The following RICTOR variants were observed in gnomAD, a reference collection of about 807,000 sequenced individuals.
RICTOR encodes the protein rapamycin-insensitive companion of mTOR.
Under a neutral mutation model 214.9 loss-of-function variants are expected in RICTOR, and 49 were observed. That is an observed-to-expected ratio of 0.23 (90% CI 0.18 to 0.29). RICTOR has a LOEUF of 0.29. RICTOR is among the 10% of genes least tolerant of loss of function. RICTOR has a pLI of 1.00. For synonymous variants in RICTOR, 717 were observed against 711.3 expected (o/e 1.01, Z -0.13); for missense variants, 1,625 against 2,047.0 (o/e 0.79, Z 3.98).
chr5:39,046,999 C>A (rs1757542447), intron 2 of RICTOR, among the ~76,000 whole-genome samples: 1 of 152,140 alleles, frequency 6.6e-6, no homozygotes, highest in Non-Finnish European at 1.5e-5. Context: ...ACACCTCAGT[C>A]TGTATGTTTT....
At chr5:38,997,084 AT>A (rs1561512118) in intron 5 of RICTOR, among the ~76,000 whole-genome samples, 1 of 152,108 alleles carries the variant, frequency 6.6e-6, no homozygotes, top group Non-Finnish European at 1.5e-5. Context: ...TAAAAGACCA[AT>A]TTTTTCTTTT....
chr5:38,965,296 A>C (rs1463756722), intron 15 of RICTOR, among the ~76,000 whole-genome samples: 1 of 152,014 alleles, frequency 6.6e-6, no homozygotes, highest in Non-Finnish European at 1.5e-5. Context: ...TTGACTTCTT[A>C]AGTTTTAAAA....
intron 2 of RICTOR, among the ~76,000 whole-genome samples, chr5:39,023,029 A>T (rs1755546952): frequency 6.6e-6 from 1 of 152,214 alleles, no homozygotes; most frequent in Non-Finnish European, 1.5e-5. Flanking sequence ...ACCTAGGCAG[A>T]TTATAATCAA....
chr5:38,990,639 C>CAGATATATATATCAG lies in RICTOR; in HGVS notation c.583+309_583+310insCTGATATATATATCT, dbSNP rs1490795665. Among the ~76,000 whole-genome samples, 7 of 82,298 alleles carry CAGATATATATATCAG rather than the reference C, an allele frequency of 8.5e-5. 1 individual carries two copies. The highest frequency in any genetic ancestry group is 2.3e-4 in the African/African-American group (5 of 21,620). The allele number at this position is 82,298 out of a possible 152,430, so 54.0% of individuals were successfully genotyped here. A position where few individuals can be genotyped will look rare whatever the true frequency, so the allele number is the denominator to read the frequency against. On this transcript the variant is annotated intron_variant, in intron 7 of 37. Coordinates refer to ENST00000357387, the MANE Select transcript of RICTOR (RefSeq NM_152756.5). Reference sequence around the variant, plus strand: ...TACGATATATGATATATATATCTGACATATATCAGATATATGATATATATC... The same window carrying CAGATATATATATCAG: ...TACGATATATGATATATATATCTGACAGATATATATATCAGATATATCAGATATATGATATATATC...
In RICTOR at chr5:38,966,661, A is replaced by C. The variant is rs1201782749; in HGVS notation, c.1279T>G (p.Leu427Val). The change falls in exon 15 of 38, where the codon TTA becomes GTA. Residue 427 changes from leucine (L) to valine (V), a missense_variant. By Grantham distance (32) the Leu-to-Val change is conservative (BLOSUM62 1). Coordinates refer to ENST00000357387, the MANE Select transcript of RICTOR (RefSeq NM_152756.5). ...CTTACCATATGTAAAAGCTCTCCTA[A>C]AAGGATGGTAGCTCTAACTGAGATA... Reference protein sequence around the residue: ...DHISVRATILLGELLHMANTI... With the variant: ...DHISVRATILVGELLHMANTI... 7 of 1,575,998 alleles carry C rather than the reference A, an allele frequency of 4.4e-6. No homozygotes were observed. The highest frequency in any genetic ancestry group is 5.2e-6 in the Non-Finnish European group (6 of 1,148,268).
At chr5:39,003,680 A>G (rs1171135633) in intron 3 of RICTOR, 58 bp from the exon 4 acceptor site, 20 of 979,710 alleles carry the variant, frequency 2.0e-5, no homozygotes, top group Non-Finnish European at 3.2e-5. Context: ...ACATATTTAT[A>G]TACATTATAT....
chr5:38,942,729 T>C, intron 37 of RICTOR, 104 bp downstream of exon 37: 1 of 907,676 alleles, frequency 1.1e-6, no homozygotes, highest in Non-Finnish European at 1.7e-6. Context: ...GTGCTGGGAT[T>C]GTAGGCATGA....
At chr5:38,954,229 G>C (rs1749041034) in intron 27 of RICTOR, among the ~76,000 whole-genome samples, 1 of 151,784 alleles carries the variant, frequency 6.6e-6, no homozygotes, top group Non-Finnish European at 1.5e-5. Context: ...TACATTTATT[G>C]GAAACAGTTG....
chr5:38,990,745 G>GATATATATCATATATATC (rs1491116178), intron 7 of RICTOR, among the ~76,000 whole-genome samples: 435 of 25,198 alleles, frequency 0.017, 37 homozygotes, highest in East Asian at 0.035. Flanking sequence ...TGATATATAT[G>GATATATATCATATATATC]AGATATATGA....
chr5:38,947,519 C>T (rs1748343508), intron 31 of RICTOR, 78 bp from the exon 32 acceptor site: 1 of 1,042,950 alleles, frequency 9.6e-7, no homozygotes, highest in East Asian at 2.5e-5. Flanking sequence ...AACATATATT[C>T]CTACCTTCAT....
At chr5:38,942,432 C>CATGATATAAATTAG in intron 37 of RICTOR, 54 bp from the exon 38 acceptor site, 2 of 927,832 alleles carry the variant, frequency 2.2e-6, no homozygotes, top group Non-Finnish European at 3.2e-6. Context: ...GATGATATAA[C>CATGATATAAATTAG]ATATTTATAT....
chr5:39,023,154 T>C (rs919143083), intron 2 of RICTOR, among the ~76,000 whole-genome samples: 2 of 150,688 alleles, frequency 1.3e-5, no homozygotes, highest in African/African-American at 4.9e-5. Flanking sequence ...GGATTTCTTA[T>C]CCAAAACAGG....
intron 19 of RICTOR, among the ~76,000 whole-genome samples, chr5:38,961,768 C>T (rs942005771): frequency 5.9e-5 from 9 of 152,090 alleles, no homozygotes; most frequent in African/African-American, 2.2e-4. Flanking sequence ...ATTTCTCAAA[C>T]ATACTAAGGA....
chr5:39,074,305 G>A, intron 1 of RICTOR, 24 bp downstream of exon 1: 1 of 1,556,760 alleles, frequency 6.4e-7, no homozygotes, highest in Non-Finnish European at 8.7e-7. Flanking sequence ...GGGCGGTGGG[G>A]AGTGAGGGTT....
intron 20 of RICTOR, 55 bp from the exon 21 acceptor site, chr5:38,960,033 G>C (rs1310542503): frequency 8.1e-7 from 1 of 1,228,076 alleles, no homozygotes; most frequent in Non-Finnish European, 1.2e-6. Flanking sequence ...TCTGTAATTA[G>C]AAAATCAACT....
At chr5:38,948,285 T>G (rs1183272938) in intron 31 of RICTOR, among the ~76,000 whole-genome samples, 2 of 152,110 alleles carry the variant, frequency 1.3e-5, no homozygotes, top group African/African-American at 4.8e-5. Context: ...AATAATTATT[T>G]TGTAAAACAC....
At chr5:38,984,409 T>C (rs914118106) in intron 7 of RICTOR, among the ~76,000 whole-genome samples, 1 of 152,206 alleles carries the variant, frequency 6.6e-6, no homozygotes, top group African/African-American at 2.4e-5. Context: ...ATTTTTTTTC[T>C]TCTTTTGGTA....
intron 3 of RICTOR, among the ~76,000 whole-genome samples, chr5:39,008,325 T>G (rs1277927960): frequency 6.6e-6 from 1 of 152,126 alleles, no homozygotes; most frequent in Admixed American, 6.5e-5. Flanking sequence ...ATAGTATTGA[T>G]GAATACACAC....
In RICTOR at chr5:38,953,960, T is replaced by A. The variant is rs78725161; in HGVS notation, c.2698-407A>T. ...AAAGTAAATTAGTGCTTAGGTTTTATCATACTATGTAAGTAGTAACACTGA... is the reference window on the plus strand; with the variant it reads ...AAAGTAAATTAGTGCTTAGGTTTTAACATACTATGTAAGTAGTAACACTGA... On this transcript the variant is annotated intron_variant, in intron 27 of 37. Coordinates refer to ENST00000357387, the MANE Select transcript of RICTOR (RefSeq NM_152756.5). Among the ~76,000 whole-genome samples, 39 of 152,078 alleles carry A rather than the reference T, an allele frequency of 2.6e-4. No homozygotes were observed. The East Asian group carries it at 6.4e-3, about 25-fold the overall frequency.
Sources: gnomAD v4.1 joint callset for allele counts (sites outside exome capture counted in the v4.1 genomes callset) on GRCh38, gnomAD v4.1.1 for gene constraint, MANE v1.5 for transcripts, NCBI Gene and HGNC (gene_info 2026-07-23, HGNC 2026-07-21) for gene names.